The following ESR1 variants were observed in gnomAD, a reference collection of about 807,000 sequenced individuals.
ESR1 encodes the protein estrogen receptor.
ESR1 carries 12 observed loss-of-function variants against 52.7 expected under a neutral mutation model. The ratio of observed to expected loss-of-function variants is 0.23; its 90% CI spans 0.15 to 0.37. The LOEUF is 0.37. Ranked by LOEUF, ESR1 falls within the 10% of genes least tolerant of loss-of-function variation. The pLI is 1.00. For synonymous variants in ESR1, 305 were observed against 316.8 expected (o/e 0.96, Z 0.39); for missense variants, 584 against 779.7 (o/e 0.75, Z 2.99).
chr6:151,900,396 C>A (rs12174347), intron 3 of ESR1, among the ~76,000 whole-genome samples: 2,536 of 152,246 alleles, frequency 0.017, 70 homozygotes, highest in East Asian at 0.096. Context: ...TTCTCTGGTG[C>A]CTCCTTAATT....
chr6:152,051,411 G>A (rs1172445318), intron 5 of ESR1, among the ~76,000 whole-genome samples: 1 of 152,080 alleles, frequency 6.6e-6, no homozygotes, highest in Non-Finnish European at 1.5e-5. Flanking sequence ...AACTGACTAG[G>A]ATCTCAATCT....
intron 7 of ESR1, among the ~76,000 whole-genome samples, chr6:152,095,997 C>T (rs887237481): frequency 6.6e-6 from 1 of 152,166 alleles, no homozygotes; most frequent in Non-Finnish European, 1.5e-5. Context: ...TTCCATTGTC[C>T]TGTAATTTGG....
chr6:152,114,784 G>T (rs1354558385), intron 6 of ESR1, among the ~76,000 whole-genome samples: 1 of 149,670 alleles, frequency 6.7e-6, no homozygotes, highest in African/African-American at 2.5e-5. Context: ...CCAGCTACTT[G>T]GGAGGCTGAG....
chr6:151,832,223 A>G (rs1293125890), intron 1 of ESR1, among the ~76,000 whole-genome samples: 1 of 152,162 alleles, frequency 6.6e-6, no homozygotes, highest in Non-Finnish European at 1.5e-5. Context: ...TAACTTGCCT[A>G]CCCCAGAACA....
chr6:151,818,111 C>T (rs755720719), intron 1 of ESR1, among the ~76,000 whole-genome samples: 7 of 152,104 alleles, frequency 4.6e-5, no homozygotes, highest in Non-Finnish European at 1.5e-5. Flanking sequence ...TCCAATTTTG[C>T]GTTGTAGAAG....
At chr6:151,854,936 C>T (rs762351285) in intron 2 of ESR1, among the ~76,000 whole-genome samples, 8 of 152,148 alleles carry the variant, frequency 5.3e-5, no homozygotes, top group Non-Finnish European at 1.0e-4. Context: ...TATTTAGAGA[C>T]GCAGTCTTTC....
chr6:152,092,412 T>G (rs1158776344), intron 6 of ESR1, among the ~76,000 whole-genome samples: 1 of 152,224 alleles, frequency 6.6e-6, no homozygotes, highest in African/African-American at 2.4e-5. Context: ...GTTACAACTC[T>G]GTTTACTATG....
chr6:151,880,346 G>GT (rs144000393), intron 2 of ESR1, among the ~76,000 whole-genome samples: 7 of 151,622 alleles, frequency 4.6e-5, no homozygotes, highest in East Asian at 2.0e-4. Context: ...CCATACCCAG[G>GT]TTTTTTTTGT....
In ESR1 at chr6:151,808,334, T is replaced by A; in HGVS notation, c.422T>A (p.Val141Glu). The stretch of plus-strand genomic sequence containing the variant: ...GAGAACGAGCCCAGCGGCTACACGG[T>A]GCGCGAGGCCGGCCCGCCGGCATTC... ...YLENEPSGYT[V>E]REAGPPAFYR... Residue 141 changes from valine to glutamate, a missense_variant, in exon 1 of 8, where the codon GTG becomes GAG. Around this residue, in one of 6 missense-constraint regions of ESR1, gnomAD observed 251 missense variants for 246.1 expected, o/e 1.02. Coordinates refer to ENST00000206249, the MANE Select transcript of ESR1 (RefSeq NM_000125.4). 1 of 1,327,476 alleles carries A rather than the reference T, an allele frequency of 7.5e-7. No homozygotes were observed. The allele number at this position is 1,327,476 out of a possible 1,614,324, so 82.2% of individuals were successfully genotyped here. A position where few individuals can be genotyped will look rare whatever the true frequency, so the allele number is the denominator to read the frequency against.
At chr6:151,839,978 A>T (rs1215586316) in intron 1 of ESR1, among the ~76,000 whole-genome samples, 1 of 152,196 alleles carries the variant, frequency 6.6e-6, no homozygotes, top group Non-Finnish European at 1.5e-5. Flanking sequence ...ACCACAATTT[A>T]AAAAATATAG....
chr6:151,896,719 CT>C (rs1795570001), intron 3 of ESR1, among the ~76,000 whole-genome samples: 1 of 151,362 alleles, frequency 6.6e-6, no homozygotes, highest in African/African-American at 2.4e-5. Context: ...CTTTCTTCTG[CT>C]GGCTTTGGGT....
At chr6:151,882,725 A>G (rs1198984382) in intron 3 of ESR1, among the ~76,000 whole-genome samples, 3 of 151,786 alleles carry the variant, frequency 2.0e-5, no homozygotes, top group Admixed American at 1.3e-4. Flanking sequence ...TGTGAGGGGT[A>G]CCCATGCATT....
chr6:152,002,626 T>C (rs1478166027), intron 4 of ESR1, among the ~76,000 whole-genome samples: 9 of 152,076 alleles, frequency 5.9e-5, no homozygotes, highest in African/African-American at 2.2e-4. Flanking sequence ...CTTAAGTACT[T>C]TACTTCATAG....
At chr6:151,818,359 C>A (rs572204324) in intron 1 of ESR1, among the ~76,000 whole-genome samples, 89 of 152,312 alleles carry the variant, frequency 5.8e-4, no homozygotes, top group African/African-American at 2.0e-3. Context: ...GGGCTCCACA[C>A]AATGAGGGAT....
intron 3 of ESR1, among the ~76,000 whole-genome samples, chr6:151,890,503 T>C (rs1323921661): frequency 6.6e-6 from 1 of 152,242 alleles, no homozygotes; most frequent in South Asian, 2.1e-4. Flanking sequence ...TAAGTCCATC[T>C]GTGCTAAAGT....
intron 6 of ESR1, among the ~76,000 whole-genome samples, chr6:152,120,692 C>T (rs1241491413): frequency 1.3e-5 from 2 of 152,086 alleles, no homozygotes; most frequent in African/African-American, 4.8e-5. Flanking sequence ...TCTCCTCAGG[C>T]ATCTCTTTAA....
At chr6:151,903,151 A>T (rs1249208570) in intron 3 of ESR1, among the ~76,000 whole-genome samples, 1 of 151,822 alleles carries the variant, frequency 6.6e-6, no homozygotes, top group Non-Finnish European at 1.5e-5. Context: ...ATTTTTAGTA[A>T]TTTTTTTTAT....
chr6:151,730,585 T>G (rs1173144072), intron 2 of ESR1, among the ~76,000 whole-genome samples: 1 of 152,194 alleles, frequency 6.6e-6, no homozygotes, highest in Non-Finnish European at 1.5e-5. Flanking sequence ...GGGGTCTAGC[T>G]TTGGCCTTGC....
At chr6:151,833,137 A>G (rs553918025) in intron 1 of ESR1, among the ~76,000 whole-genome samples, 2 of 152,290 alleles carry the variant, frequency 1.3e-5, no homozygotes, top group African/African-American at 4.8e-5. Flanking sequence ...AGTGAAGGCT[A>G]GAGGTGTACT....
Sources: gnomAD v4.1 joint callset for allele counts (sites outside exome capture counted in the v4.1 genomes callset) on GRCh38, gnomAD v4.1.1 for gene constraint, gnomAD v4.1.1 regional missense constraint, MANE v1.5 for transcripts, NCBI Gene and HGNC (gene_info 2026-07-23, HGNC 2026-07-21) for gene names.